The following DSCAM variants were observed in gnomAD, a reference collection of about 807,000 sequenced individuals.
DSCAM encodes cell adhesion molecule DSCAM.
DSCAM carries 47 observed loss-of-function variants against 217.7 expected under a neutral mutation model. That is an observed-to-expected ratio of 0.22 (90% CI 0.17 to 0.28). DSCAM has a LOEUF of 0.28. DSCAM is among the 10% of genes least tolerant of loss of function. The pLI, the probability that DSCAM is intolerant of heterozygous loss-of-function variation, is 1.00. For missense variants in DSCAM, 2,080 were observed against 2,618.3 expected (o/e 0.79, Z 4.49); for synonymous variants, 1,056 against 1,015.3 (o/e 1.04, Z -0.76).
intron 19 of DSCAM, among the ~76,000 whole-genome samples, chr21:40,126,384 G>A (rs1242676565): frequency 6.6e-6 from 1 of 152,068 alleles, no homozygotes; most frequent in Admixed American, 6.6e-5. Context: ...GAAGAAGGCC[G>A]ATCTATGTTT....
At chr21:40,310,660 T>G (rs562356235) in intron 9 of DSCAM, among the ~76,000 whole-genome samples, 1 of 152,320 alleles carries the variant, frequency 6.6e-6, no homozygotes, top group African/African-American at 2.4e-5. Flanking sequence ...TATCTGACGT[T>G]TCAGATTCCT....
Position 40,369,115 on chromosome 21 carries a change from G to A in DSCAM, c.639C>T (p.Ala213=). ...YTGETRQSNS[A]RLFVSDPANS... is the part of the protein sequence containing the mutation. ...AGTTTTTACCTGATACAAAAAGTCT[G>A]GCGCTGTTGCTCTGCCTCGTCTCTC... Residue 213 remains alanine, a synonymous_variant, in exon 4 of 33, where the codon GCC becomes GCT. Transcript: ENST00000400454. 2 of 1,610,286 alleles carry A rather than the reference G, an allele frequency of 1.2e-6. No individual in the cohort carries two copies. Among genetic ancestry groups the A allele is most frequent in the Middle Eastern group, 1.7e-4 (1 of 6,040 alleles).
chr21:40,341,080 C>G (rs183760244), intron 6 of DSCAM, among the ~76,000 whole-genome samples: 1 of 152,310 alleles, frequency 6.6e-6, no homozygotes, highest in East Asian at 1.9e-4. Context: ...CCAGGCTATG[C>G]TCATAAGTAG....
intron 3 of DSCAM, among the ~76,000 whole-genome samples, chr21:40,392,981 T>C (rs1020079839): frequency 1.3e-5 from 2 of 152,204 alleles, no homozygotes; most frequent in South Asian, 4.1e-4. Flanking sequence ...GATACACATG[T>C]ACAGAATTAT....
chr21:40,175,907 T>A (rs928449941), intron 15 of DSCAM, among the ~76,000 whole-genome samples: 7 of 151,724 alleles, frequency 4.6e-5, no homozygotes, highest in South Asian at 2.1e-4. Context: ...CATCTCATAC[T>A]TTCATCTCCC....
At chr21:40,261,237 T>A (rs768071002) in intron 11 of DSCAM, among the ~76,000 whole-genome samples, 31 of 152,180 alleles carry the variant, frequency 2.0e-4, no homozygotes, top group Non-Finnish European at 3.7e-4. Flanking sequence ...AAACTCACAG[T>A]GAAACTTAAC....
intron 19 of DSCAM, among the ~76,000 whole-genome samples, chr21:40,132,392 T>A (rs565511205): frequency 6.6e-5 from 10 of 152,280 alleles, no homozygotes; most frequent in South Asian, 6.2e-4. Context: ...TTTTAAAAAA[T>A]TAACTTATGG....
intron 8 of DSCAM, among the ~76,000 whole-genome samples, chr21:40,316,847 TTC>T (rs1222393099): frequency 6.6e-6 from 1 of 152,158 alleles, no homozygotes; most frequent in Non-Finnish European, 1.5e-5. Context: ...ACTGATATAT[TTC>T]TGTCTTGTCT....
intron 11 of DSCAM, among the ~76,000 whole-genome samples, chr21:40,260,886 G>T (rs1236648496): frequency 1.3e-5 from 2 of 152,102 alleles, no homozygotes; most frequent in Non-Finnish European, 2.9e-5. Context: ...TTGGAAAAAA[G>T]CCCCCGACAT....
chr21:40,096,975 C>T (rs1026684787), intron 20 of DSCAM, among the ~76,000 whole-genome samples: 3 of 151,904 alleles, frequency 2.0e-5, no homozygotes, highest in Non-Finnish European at 4.4e-5. Flanking sequence ...AGACTTTTTT[C>T]AGATACATAA....
chr21:40,422,034 T>G, intron 3 of DSCAM, among the ~76,000 whole-genome samples: 1 of 152,354 alleles, frequency 6.6e-6, no homozygotes, highest in South Asian at 2.1e-4. Flanking sequence ...AACTGCTATC[T>G]TTCTATAAAC....
chr21:40,221,440 A>G (rs948642212), intron 11 of DSCAM, among the ~76,000 whole-genome samples: 1 of 148,670 alleles, frequency 6.7e-6, no homozygotes, highest in Admixed American at 6.8e-5. Flanking sequence ...GGATTATTAT[A>G]TAAATAACAT....
At chr21:40,600,947 C>G (rs948922390) in intron 3 of DSCAM, among the ~76,000 whole-genome samples, 1 of 152,184 alleles carries the variant, frequency 6.6e-6, no homozygotes, top group African/African-American at 2.4e-5. Context: ...TACCAAAAGT[C>G]TTGAAGTCAG....
At chr21:40,342,610 A>ATGTGTGTGTG (rs58080164) in intron 6 of DSCAM, among the ~76,000 whole-genome samples, 1 of 116,890 alleles carries the variant, frequency 8.6e-6, no homozygotes, top group Non-Finnish European at 1.7e-5. Flanking sequence ...GTATGTGTAT[A>ATGTGTGTGTG]TGTGTGTGTG....
chr21:40,198,492 C>G (rs1239079517), intron 11 of DSCAM, among the ~76,000 whole-genome samples: 1 of 152,170 alleles, frequency 6.6e-6, no homozygotes, highest in African/African-American at 2.4e-5. Flanking sequence ...CTCTCTCAGT[C>G]GAATAGGTGA....
At position 40,759,247 on chromosome 21, in the gene DSCAM, G is replaced by A. The variant is rs187406614; in HGVS notation, c.44-50476C>T. Among the ~76,000 whole-genome samples the A allele has an allele frequency of 2.6e-5, 4 of 152,056 alleles. No homozygotes were observed. In the East Asian group the frequency reaches 7.8e-4, roughly 30 times the overall value. ...TCCCCAGGCTCTCAGCCTCCCACGT[G>A]CTCCAAGCCTATCCTGAGTGCCCAT... is the stretch of plus-strand genomic sequence containing the variant. On this transcript the variant is annotated intron_variant, in intron 1 of 32. Transcript: ENST00000400454.
chr21:40,063,649 T>C (rs2089159619), intron 27 of DSCAM, among the ~76,000 whole-genome samples: 1 of 152,160 alleles, frequency 6.6e-6, no homozygotes, highest in African/African-American at 2.4e-5. Context: ...CTCTAAAAAG[T>C]CTTGATGCTA....
At chr21:40,108,778 C>G (rs1190402728) in intron 20 of DSCAM, among the ~76,000 whole-genome samples, 1 of 152,196 alleles carries the variant, frequency 6.6e-6, no homozygotes, top group Non-Finnish European at 1.5e-5. Flanking sequence ...ACCAAAACAG[C>G]ATGGTTCTGG....
intron 3 of DSCAM, among the ~76,000 whole-genome samples, chr21:40,689,473 T>C (rs979300459): frequency 2.6e-5 from 4 of 152,244 alleles, no homozygotes; most frequent in African/African-American, 9.6e-5. Context: ...TTTTGGGCCC[T>C]CTCTTGACTG....
Sources: allele counts gnomAD v4.1 joint callset (sites outside exome capture counted in the v4.1 genomes callset), GRCh38; gene constraint gnomAD v4.1.1; transcripts MANE v1.5; gene names NCBI Gene and HGNC (gene_info 2026-07-23, HGNC 2026-07-21).